Variants in ZMIZ1 observed in about 807,000 individuals in gnomAD.
ZMIZ1 encodes the protein zinc finger MIZ domain-containing protein 1.
A neutral mutation model predicts 113.9 loss-of-function variants in ZMIZ1; 17 were observed. The observed-to-expected ratio is 0.15, with a 90% CI of 0.10 to 0.22. ZMIZ1 has a LOEUF of 0.22. ZMIZ1 is among the 10% of genes least tolerant of loss of function. The probability of loss-of-function intolerance (pLI) is 1.00; values close to 1 mark genes in which losing one functional copy is unlikely to be tolerated. For synonymous variants in ZMIZ1, 607 were observed against 603.1 expected, an observed-to-expected ratio of 1.01 and a Z score of -0.09; for missense variants, 1,059 against 1,477.8, an observed-to-expected ratio of 0.72 and a Z score of 4.65.
chr10:79,299,647 C>T (rs1337050792), intron 16 of ZMIZ1, among the ~76,000 whole-genome samples: 1 of 152,270 alleles, frequency 6.6e-6, no homozygotes, highest in Non-Finnish European at 1.5e-5. Context: ...GCTGCTCAGA[C>T]ACTTAGGCAC....
intron 7 of ZMIZ1, among the ~76,000 whole-genome samples, chr10:79,238,886 A>G (rs1347680795): frequency 6.6e-6 from 1 of 152,214 alleles, no homozygotes; most frequent in Non-Finnish European, 1.5e-5. Flanking sequence ...GCAAGCTCTC[A>G]GTAACCATGA....
At chr10:79,177,842 A>G (rs936707535) in intron 4 of ZMIZ1, among the ~76,000 whole-genome samples, 11 of 152,204 alleles carry the variant, frequency 7.2e-5, no homozygotes, top group Admixed American at 7.2e-4. Context: ...AGAAAAATAA[A>G]ACTGCCCTGT....
intron 1 of ZMIZ1, among the ~76,000 whole-genome samples, chr10:79,099,803 G>A (rs1843298599): frequency 6.6e-6 from 1 of 152,150 alleles, no homozygotes; most frequent in Admixed American, 6.5e-5. Context: ...GTGAAGCATT[G>A]AGAGGAGCTA....
chr10:79,080,102 A>T (rs759464310), intron 1 of ZMIZ1, among the ~76,000 whole-genome samples: 3 of 152,110 alleles, frequency 2.0e-5, no homozygotes, highest in African/African-American at 4.8e-5. Context: ...ATTGTGCATG[A>T]GTCACTCTGC....
chr10:79,180,869 A>T (rs1006613321), intron 4 of ZMIZ1, among the ~76,000 whole-genome samples: 4 of 152,246 alleles, frequency 2.6e-5, no homozygotes, highest in Non-Finnish European at 2.9e-5. Flanking sequence ...GGGCCAGCAC[A>T]CCTGCACACG....
intron 8 of ZMIZ1, among the ~76,000 whole-genome samples, chr10:79,286,568 G>A (rs141531630): frequency 8.3e-4 from 126 of 152,388 alleles, no homozygotes; most frequent in African/African-American, 2.9e-3. Flanking sequence ...GCAGGGCCTC[G>A]CGTGTGTGCA....
At position 79,292,376 on chromosome 10, in the gene ZMIZ1, C is replaced by G. The variant is rs1207234872; in HGVS notation, c.957+20C>G. 1.9e-6 allele frequency: 3 copies of G among 1,591,436 alleles called. No homozygotes were observed. In the South Asian group the frequency reaches 3.3e-5, roughly 18 times the overall value. On this transcript the variant is annotated intron_variant, in intron 11 of 24. Transcript: ENST00000334512. ...GGACCGGTAAGGGTTCCCACTAATC[C>G]TGGTCCAGCCTTGCCCAGCCAGCCA...
rs73304143 is a variant in ZMIZ1 at position 79,269,893 on chromosome 10, G to A, written c.281-7288G>A. Among the ~76,000 whole-genome samples, 354 of 152,310 alleles carry A rather than the reference G, an allele frequency of 2.3e-3. 3 individuals are homozygous for A. Among genetic ancestry groups the A allele is most frequent in the African/African-American group, 7.2e-3 (299 of 41,546 alleles). On this transcript the variant is annotated intron_variant, in intron 7 of 24. Coordinates refer to ENST00000334512, the MANE Select transcript of ZMIZ1 (RefSeq NM_020338.4). ...GCCCAGGTGAGCGTACCTGCTCCCCGTGACACCCGACCCGATCGATGCTAA... is the reference window on the plus strand; with the variant it reads ...GCCCAGGTGAGCGTACCTGCTCCCCATGACACCCGACCCGATCGATGCTAA...
At chr10:79,093,949 A>G (rs1843080497) in intron 1 of ZMIZ1, among the ~76,000 whole-genome samples, 1 of 152,158 alleles carries the variant, frequency 6.6e-6, no homozygotes, top group Non-Finnish European at 1.5e-5. Flanking sequence ...GACTTACAGG[A>G]AGAAGCCAAT....
intron 9 of ZMIZ1, 26 bp downstream of exon 9, chr10:79,289,915 A>G (rs1853357346): frequency 6.2e-7 from 1 of 1,603,556 alleles, no homozygotes; most frequent in Non-Finnish European, 8.5e-7. Flanking sequence ...GCCCTCAGCC[A>G]CAGCTCTTTC....
chr10:79,135,006 A>G (rs116221681), intron 2 of ZMIZ1, among the ~76,000 whole-genome samples: 2,664 of 152,218 alleles, frequency 0.018, 81 homozygotes, highest in African/African-American at 0.061. Context: ...TTAATAGAGA[A>G]GTGGTTTCAC....
At chr10:79,241,207 C>T (rs370210948) in intron 7 of ZMIZ1, among the ~76,000 whole-genome samples, 16 of 152,270 alleles carry the variant, frequency 1.1e-4, no homozygotes, top group East Asian at 1.9e-4. Context: ...TCTTGGAACA[C>T]GTGAGCCATA....
intron 2 of ZMIZ1, among the ~76,000 whole-genome samples, chr10:79,130,808 G>A (rs1488578060): frequency 6.6e-6 from 1 of 152,282 alleles, no homozygotes; most frequent in African/African-American, 2.4e-5. Context: ...TGAAGTGTTT[G>A]CAGGGTCCCA....
intron 3 of ZMIZ1, among the ~76,000 whole-genome samples, chr10:79,142,726 CCTGG>C (rs1845324508): frequency 6.6e-6 from 1 of 152,226 alleles, no homozygotes; most frequent in African/African-American, 2.4e-5. Flanking sequence ...ACTCCCTGAC[CCTGG>C]CCAAGCATCT....
intron 3 of ZMIZ1, among the ~76,000 whole-genome samples, chr10:79,147,570 C>A (rs11002852): frequency 0.18 from 26,977 of 152,126 alleles, 2,851 homozygotes; most frequent in Middle Eastern, 0.24. Flanking sequence ...AGAACACAGA[C>A]CTTCTGGAAA....
intron 7 of ZMIZ1, among the ~76,000 whole-genome samples, chr10:79,242,539 GCCCTCCCCTCCCCTC>G (rs543878844): frequency 7.6e-6 from 1 of 131,090 alleles, no homozygotes; most frequent in African/African-American, 2.9e-5. Flanking sequence ...GCCTAGCCCC[GCCCTCCCCTCCCCTC>G]CCCTCCCCTC....
At chr10:79,104,561 C>A (rs1589275482) in intron 1 of ZMIZ1, among the ~76,000 whole-genome samples, 1 of 152,230 alleles carries the variant, frequency 6.6e-6, no homozygotes, top group African/African-American at 2.4e-5. Flanking sequence ...AACTCAGTGC[C>A]TGGTCGTAGG....
chr10:79,255,277 A>G (rs1850813115), intron 7 of ZMIZ1, among the ~76,000 whole-genome samples: 1 of 152,176 alleles, frequency 6.6e-6, no homozygotes, highest in African/African-American at 2.4e-5. Context: ...GGGAGAGAAG[A>G]AGGCAGGCAA....
intron 2 of ZMIZ1, among the ~76,000 whole-genome samples, chr10:79,124,221 C>A (rs887293920): frequency 6.6e-5 from 10 of 152,190 alleles, no homozygotes; most frequent in Non-Finnish European, 1.5e-4. Context: ...CCTCTCTGAG[C>A]AGCTGTTTAT....
Sources: allele counts gnomAD v4.1 joint callset (sites outside exome capture counted in the v4.1 genomes callset), GRCh38; gene constraint gnomAD v4.1.1; transcripts MANE v1.5; gene names NCBI Gene and HGNC (gene_info 2026-07-23, HGNC 2026-07-21).